Variants in PRDM10 observed in about 807,000 individuals in gnomAD.
PRDM10 encodes PR domain zinc finger protein 10.
A neutral mutation model predicts 133.1 loss-of-function variants in PRDM10; 65 were observed. The ratio of observed to expected loss-of-function variants is 0.49; its 90% CI spans 0.40 to 0.60. The LOEUF (loss-of-function observed/expected upper bound fraction) is 0.60. PRDM10 is among the 20% of genes least tolerant of loss of function. The probability of loss-of-function intolerance (pLI) is 0.00; values close to 1 mark genes in which losing one functional copy is unlikely to be tolerated. For missense variants in PRDM10, 1,137 were observed against 1,507.1 expected (o/e 0.75, Z 4.07); for synonymous variants, 582 against 580.4 (o/e 1.00, Z -0.04).
chr11:129,921,658 A>G (rs1187443322), intron 13 of PRDM10, among the ~76,000 whole-genome samples: 2 of 152,220 alleles, frequency 1.3e-5, no homozygotes, highest in Non-Finnish European at 2.9e-5. Flanking sequence ...TGCTGGGTCA[A>G]CTTGGCTAAG....
chr11:129,978,888 T>C (rs2135963688), intron 1 of PRDM10, among the ~76,000 whole-genome samples: 1 of 152,212 alleles, frequency 6.6e-6, no homozygotes, highest in South Asian at 2.1e-4. Context: ...AGACCGATCC[T>C]CCCATCCCAT....
Position 129,957,761 on chromosome 11 carries a change from C to A in PRDM10, c.219G>T (p.Pro73=). Residue 73 remains proline, a synonymous_variant, in exon 3 of 21, where the codon CCG becomes CCT. Coordinates refer to ENST00000360871, the MANE Select transcript of PRDM10 (RefSeq NM_199437.2). ...GPEHTLVYIH[P]VEAAQTLFTD... is the part of the protein sequence containing the mutation. ...CTTCACATGCCTGTGCAGCTTCCAC[C>A]GGGTGGATGTACACCAGCGTGTGCT... The A allele has an allele frequency of 6.2e-7, 1 of 1,611,774 alleles. No homozygotes were observed. The highest frequency in any genetic ancestry group is 1.1e-5 in the South Asian group (1 of 90,826).
At position 129,923,192 on chromosome 11, in the gene PRDM10, T is replaced by A; in HGVS notation, c.2034+56A>T. 6.7e-7 allele frequency: 1 copy of A among 1,494,144 alleles called. No homozygotes were observed. Among genetic ancestry groups the A allele is most frequent in the Non-Finnish European group, 9.0e-7 (1 of 1,116,324 alleles). The allele number at this position is 1,494,144 out of a possible 1,614,324, so 92.6% of individuals were successfully genotyped here. ...AAATGAACAGGCATTTACCCTCAGC[T>A]TGCTATAATTCCAGTGGCCACGAGA... On this transcript the variant is annotated intron_variant, in intron 13 of 20. Transcript: ENST00000360871. This position sits in a 1 kb window ranked among gnomAD's most constrained non-coding sequence, Gnocchi z 4.4.
At chr11:129,929,512 A>G in intron 11 of PRDM10, 1 of 1,164,390 alleles carries the variant, frequency 8.6e-7, no homozygotes, top group East Asian at 2.7e-5. Context: ...CAATCTGGAT[A>G]GAAAAGATGA....
chr11:129,983,697 A>G (rs1002786102), intron 1 of PRDM10, among the ~76,000 whole-genome samples: 1 of 152,170 alleles, frequency 6.6e-6, no homozygotes, highest in African/African-American at 2.4e-5. Flanking sequence ...AGGAGAGGAG[A>G]AGGCTTAGGA....
chr11:129,972,923 T>G (rs938107723), intron 1 of PRDM10, among the ~76,000 whole-genome samples: 15 of 152,202 alleles, frequency 9.9e-5, no homozygotes, highest in African/African-American at 3.1e-4. Context: ...AAACTCGTCC[T>G]TCAAAAACCC....
Position 129,915,014 on chromosome 11 carries a change from T to C in PRDM10, c.2531A>G (p.Lys844Arg). The C allele has an allele frequency of 1.3e-6, 2 of 1,578,794 alleles. No homozygotes were observed. Among genetic ancestry groups the C allele is most frequent in the Non-Finnish European group, 1.7e-6 (2 of 1,156,778 alleles). ...HCSKQYSSKT[K>R]MVQHIRKKHP... ...CTTCTTTCGAATGTGCTGGACCATC[T>C]TGGTCTGAAAAAGCAAGGCAAAAAA... is the stretch of plus-strand genomic sequence containing the variant. Residue 844 changes from lysine to arginine, a missense_variant, in exon 17 of 21, where the codon AAG becomes AGG. Lys to Arg is a conservative substitution (Grantham distance 26). Around this residue, in one of 6 missense-constraint regions of PRDM10, gnomAD observed 113 missense variants for 143.7 expected, o/e 0.79. Transcript: ENST00000360871.
chr11:129,921,985 G>A (rs995278245), intron 13 of PRDM10, among the ~76,000 whole-genome samples: 1 of 152,038 alleles, frequency 6.6e-6, no homozygotes, highest in Non-Finnish European at 1.5e-5. Flanking sequence ...AGATTCCCAG[G>A]TAACTTCCCA....
intron 4 of PRDM10, among the ~76,000 whole-genome samples, chr11:129,954,266 ATTT>A (rs869088706): frequency 1.6e-4 from 15 of 96,100 alleles, no homozygotes; most frequent in African/African-American, 6.0e-4. Flanking sequence ...TAATTTATTT[ATTT>A]TTTTTTTTTT....
intron 6 of PRDM10, 54 bp downstream of exon 6, chr11:129,944,717 C>T: frequency 6.3e-7 from 1 of 1,595,442 alleles, no homozygotes; most frequent in Admixed American, 1.8e-5. Context: ...CAACGCAGTG[C>T]TCCTTCAAAC....
intron 6 of PRDM10, among the ~76,000 whole-genome samples, chr11:129,942,881 A>G (rs913306387): frequency 1.3e-5 from 2 of 152,238 alleles, no homozygotes; most frequent in Admixed American, 1.3e-4. Context: ...GCTTTAGTTA[A>G]TATTTCACAA....
intron 1 of PRDM10, among the ~76,000 whole-genome samples, chr11:129,986,041 G>C (rs1341034982): frequency 6.6e-6 from 1 of 151,884 alleles, no homozygotes; most frequent in Non-Finnish European, 1.5e-5. Flanking sequence ...GCAGGCTCAT[G>C]GTGGTGTGGC....
intron 12 of PRDM10, 142 bp downstream of exon 12, chr11:129,924,740 G>A: frequency 1.4e-6 from 1 of 702,370 alleles, no homozygotes; most frequent in Non-Finnish European, 2.4e-6. Context: ...TAGTTTGATT[G>A]AAGAAATATT....
intron 7 of PRDM10, among the ~76,000 whole-genome samples, chr11:129,939,562 TC>T (rs1414289497): frequency 2.6e-5 from 4 of 152,318 alleles, no homozygotes; most frequent in African/African-American, 9.6e-5. Flanking sequence ...ACGATGGAGC[TC>T]TTGCTACCTG....
At chr11:129,994,465 C>CA (rs1187507792) in intron 1 of PRDM10, among the ~76,000 whole-genome samples, 15,355 of 79,312 alleles carry the variant, frequency 0.19, 1,348 homozygotes, top group South Asian at 0.33. Flanking sequence ...AACTCTGCCT[C>CA]AAAAAAAAAA....
chr11:129,910,437 C>T (rs1325032150), intron 19 of PRDM10, 39 bp downstream of exon 19: 1 of 1,611,584 alleles, frequency 6.2e-7, no homozygotes, highest in Non-Finnish European at 8.5e-7. Context: ...TGGAGATCCC[C>T]CACCCCTGAC....
rs193156269 is a variant in PRDM10, at chr11:129,934,969, G to A, written c.1157+132C>T. The A allele has an allele frequency of 2.9e-4, 191 of 662,862 alleles. 1 individual carries two copies. The highest frequency in any genetic ancestry group is 2.8e-3 in the African/African-American group (160 of 57,238). 41.1% of individuals were successfully genotyped at this position (662,862 alleles called of 1,614,324 possible). ...GGAAAAGGAGATGACAGGTAACACC[G>A]TTCCCTCAGTAGCCCACCTGGTTAC... is the stretch of plus-strand genomic sequence containing the variant. On this transcript the variant is annotated intron_variant, in intron 9 of 20. Transcript: ENST00000360871.
At chr11:129,979,456 T>C (rs1937979133) in intron 1 of PRDM10, among the ~76,000 whole-genome samples, 1 of 152,116 alleles carries the variant, frequency 6.6e-6, no homozygotes, top group Non-Finnish European at 1.5e-5. Context: ...TGGTTTGCAG[T>C]CTTTCTGACT....
At chr11:129,919,855 T>C (rs1261458078) in intron 13 of PRDM10, among the ~76,000 whole-genome samples, 3 of 152,220 alleles carry the variant, frequency 2.0e-5, no homozygotes, top group African/African-American at 7.2e-5. Flanking sequence ...CGAGCTCCAA[T>C]GCTGGGCCTC....
Sources: allele counts gnomAD v4.1 joint callset (sites outside exome capture counted in the v4.1 genomes callset), GRCh38; gene constraint gnomAD v4.1.1; regional missense constraint gnomAD v4.1.1; non-coding constraint Gnocchi (gnomAD v3.1); transcripts MANE v1.5; gene names NCBI Gene and HGNC (gene_info 2026-07-23, HGNC 2026-07-21).